The following PTPRR variants were observed in gnomAD, a reference collection of about 807,000 sequenced individuals.
PTPRR encodes the protein receptor-type tyrosine-protein phosphatase R.
Under a neutral mutation model 77.2 loss-of-function variants are expected in PTPRR, and 38 were observed. The ratio of observed to expected loss-of-function variants is 0.49; its 90% CI spans 0.38 to 0.65. PTPRR has a LOEUF of 0.65. PTPRR is among the 30% of genes least tolerant of loss of function. The pLI is 0.00. For missense variants in PTPRR, 744 were observed against 799.2 expected (o/e 0.93, Z 0.83); for synonymous variants, 299 against 283.1 (o/e 1.06, Z -0.57).
intron 2 of PTPRR, among the ~76,000 whole-genome samples, chr12:70,847,623 T>A (rs909305614): frequency 6.6e-6 from 1 of 152,132 alleles, no homozygotes; most frequent in Non-Finnish European, 1.5e-5. Context: ...AGTTTAAAAA[T>A]TTTTTATTGT....
intron 13 of PTPRR, among the ~76,000 whole-genome samples, chr12:70,640,459 G>A (rs1169215934): frequency 2.0e-5 from 3 of 152,038 alleles, no homozygotes; most frequent in African/African-American, 2.4e-5. Flanking sequence ...CTTGAACGAC[G>A]GTGTCCAGTC....
chr12:70,764,091 A>G (rs1233846014), intron 3 of PTPRR, among the ~76,000 whole-genome samples: 1 of 148,136 alleles, frequency 6.8e-6, no homozygotes, highest in Non-Finnish European at 1.5e-5. Context: ...CAATTCCTGC[A>G]TTCCACCTGG....
At chr12:70,816,399 A>T (rs532205776) in intron 2 of PTPRR, among the ~76,000 whole-genome samples, 1 of 152,258 alleles carries the variant, frequency 6.6e-6, no homozygotes, top group African/African-American at 2.4e-5. Context: ...AATGAAACAT[A>T]AAATAGTTCA....
intron 8 of PTPRR, among the ~76,000 whole-genome samples, chr12:70,694,731 CAGA>C (rs1888171210): frequency 1.3e-5 from 2 of 152,028 alleles, no homozygotes; most frequent in African/African-American, 4.8e-5. Context: ...GTCATGCCGT[CAGA>C]AGAAGCCCAA....
chr12:70,645,286 G>T (rs929545737), intron 13 of PTPRR, among the ~76,000 whole-genome samples: 1 of 152,180 alleles, frequency 6.6e-6, no homozygotes, highest in Non-Finnish European at 1.5e-5. Flanking sequence ...TGGCTAATAA[G>T]GTATTTAGGT....
chr12:70,699,575 T>C (rs904336156), intron 7 of PTPRR, among the ~76,000 whole-genome samples: 4 of 152,132 alleles, frequency 2.6e-5, no homozygotes, highest in African/African-American at 9.7e-5. Context: ...GCTTCCTGAG[T>C]AGCTGGGATT....
intron 4 of PTPRR, among the ~76,000 whole-genome samples, chr12:70,760,637 GA>G (rs936860744): frequency 2.0e-5 from 3 of 151,978 alleles, no homozygotes; most frequent in East Asian, 1.9e-4. Context: ...CTATAAGAGA[GA>G]AAAAAAAGAC....
At chr12:70,911,341 C>T (rs1893696162) in intron 1 of PTPRR, among the ~76,000 whole-genome samples, 1 of 152,094 alleles carries the variant, frequency 6.6e-6, no homozygotes, top group African/African-American at 2.4e-5. Context: ...GCCTATAGAC[C>T]TATGAGCAGC....
chr12:70,740,404 A>C (rs978403495), intron 6 of PTPRR, among the ~76,000 whole-genome samples: 4 of 151,394 alleles, frequency 2.6e-5, no homozygotes, highest in African/African-American at 9.7e-5. Flanking sequence ...ACAGGGTCTC[A>C]CTCTGTCACC....
intron 2 of PTPRR, among the ~76,000 whole-genome samples, chr12:70,798,430 A>T (rs373096171): frequency 6.6e-6 from 1 of 152,168 alleles, no homozygotes; most frequent in Non-Finnish European, 1.5e-5. Context: ...GATCAAATCT[A>T]TTTTATCTAT....
chr12:70,746,398 G>C (rs1452909669), intron 5 of PTPRR, among the ~76,000 whole-genome samples: 2 of 152,144 alleles, frequency 1.3e-5, no homozygotes, highest in Admixed American at 6.5e-5. Flanking sequence ...GTCACATGGG[G>C]AAATGGTAGG....
intron 6 of PTPRR, among the ~76,000 whole-genome samples, chr12:70,722,305 C>T (rs1394824355): frequency 6.6e-6 from 1 of 152,166 alleles, no homozygotes; most frequent in African/African-American, 2.4e-5. Context: ...TAAATCCCAC[C>T]TTCCTGCATT....
chr12:70,902,110 A>G (rs901467384), intron 1 of PTPRR, among the ~76,000 whole-genome samples: 4 of 151,934 alleles, frequency 2.6e-5, no homozygotes, highest in Non-Finnish European at 4.4e-5. Flanking sequence ...CAAAACCACA[A>G]TGCAATACCA....
chr12:70,807,144 G>T lies in PTPRR; in HGVS notation c.358-42366C>A, dbSNP rs58913923. Among the ~76,000 whole-genome samples, 382 of 152,298 alleles carry T rather than the reference G, an allele frequency of 2.5e-3. 2 individuals are homozygous for T. Among genetic ancestry groups the T allele is most frequent in the African/African-American group, 8.8e-3 (367 of 41,564 alleles). On this transcript the variant is annotated intron_variant, in intron 2 of 13. Coordinates refer to ENST00000283228, the MANE Select transcript of PTPRR (RefSeq NM_002849.4). ...CTGACATGATGCTTAGAGATGTGCA[G>T]CTATTTTACAACCATGAAGTAGAAA... is the stretch of plus-strand genomic sequence containing the variant.
chr12:70,778,916 G>A (rs991859314), intron 2 of PTPRR, among the ~76,000 whole-genome samples: 1 of 152,156 alleles, frequency 6.6e-6, no homozygotes, highest in African/African-American at 2.4e-5. Flanking sequence ...CACGATCTCA[G>A]CTCACTGCAA....
At chr12:70,822,169 G>T (rs1892027796) in intron 2 of PTPRR, among the ~76,000 whole-genome samples, 1 of 152,156 alleles carries the variant, frequency 6.6e-6, no homozygotes, top group African/African-American at 2.4e-5. Flanking sequence ...AGGCTGTATT[G>T]AACATATGAC....
intron 8 of PTPRR, among the ~76,000 whole-genome samples, chr12:70,687,313 A>AC (rs1555166679): frequency 3.3e-5 from 5 of 149,622 alleles, no homozygotes; most frequent in Non-Finnish European, 7.4e-5. Context: ...AAATAAAGAT[A>AC]TTTTATATAT....
In PTPRR at chr12:70,892,738, C is replaced by G; in HGVS notation, c.298G>C (p.Asp100His). 6.2e-7 allele frequency: 1 copy of G among 1,613,472 alleles called. No homozygotes were observed. Among genetic ancestry groups the G allele is most frequent in the Non-Finnish European group, 8.5e-7 (1 of 1,179,536 alleles). The stretch of plus-strand genomic sequence containing the variant: ...TTTTCCACTTCAAGATCTTGACCAT[C>G]CATGGCCAGCAGATTGAGAGACGGG... ...YDPSLNLLAM[D>H]GQDLEVENLP... is the part of the protein sequence containing the mutation. The change falls in exon 2 of 14, where the codon GAT becomes CAT. Residue 100 changes from aspartate to histidine, a missense_variant. Physicochemically the swap from Asp to His is moderately conservative, Grantham distance 81. Transcript: ENST00000283228.
intron 10 of PTPRR, among the ~76,000 whole-genome samples, chr12:70,678,830 T>C (rs1391604558): frequency 6.6e-6 from 1 of 151,980 alleles, no homozygotes; most frequent in Non-Finnish European, 1.5e-5. Flanking sequence ...TACAGGTGTG[T>C]ACCACCAGGC....
Sources: gnomAD v4.1 joint callset for allele counts (sites outside exome capture counted in the v4.1 genomes callset) on GRCh38, gnomAD v4.1.1 for gene constraint, MANE v1.5 for transcripts, NCBI Gene and HGNC (gene_info 2026-07-23, HGNC 2026-07-21) for gene names.